The following USP50 variants were observed in gnomAD, a reference collection of about 807,000 sequenced individuals.
USP50 encodes the protein ubiquitin carboxyl-terminal hydrolase 50.
USP50 carries 37 observed loss-of-function variants against 39.2 expected under a neutral mutation model. That is an observed-to-expected ratio of 0.94 (90% CI 0.73 to 1.24). USP50 has a LOEUF of 1.24. USP50 is among the 50% of genes most tolerant of loss of function. USP50 has a pLI of 0.00. For missense variants in USP50, 374 were observed against 398.2 expected (o/e 0.94, Z 0.52); for synonymous variants, 139 against 144.5 (o/e 0.96, Z 0.27).
In USP50 at chr15:50,533,026, G is replaced by C. The variant is rs144032817; in HGVS notation, c.804-3097C>G. ...AAGAAGAAAGAAAAAAGACTGGCCG[G>C]TCAGGCGCAGTGGCTCACGCCTGTA... On this transcript the variant is annotated intron_variant, in intron 5 of 6. Transcript: ENST00000532404. 8.5e-5 allele frequency among the ~76,000 whole-genome samples: 13 copies of C among 152,106 alleles called. No homozygotes were observed. In the East Asian group the frequency reaches 2.5e-3, roughly 29 times the overall value.
At chr15:50,544,342 A>G (rs757219499) in intron 2 of USP50, among the ~76,000 whole-genome samples, 2 of 152,032 alleles carry the variant, frequency 1.3e-5, no homozygotes, top group Non-Finnish European at 2.9e-5. Context: ...AGCCTGGGCA[A>G]CAGAACGAGA....
chr15:50,497,387 C>CTGTT (rs1376270015), downstream of USP50: 7 of 844,202 alleles, frequency 8.3e-6, no homozygotes, highest in East Asian at 3.2e-5. Context: ...AGAAATGAGA[C>CTGTT]TGTTAGTTCA....
At chr15:50,544,383 T>A (rs932876723) in intron 2 of USP50, among the ~76,000 whole-genome samples, 4 of 150,242 alleles carry the variant, frequency 2.7e-5, no homozygotes, top group Admixed American at 6.6e-5. Flanking sequence ...TAAAAAAAAA[T>A]AAAAAATAAA....
chr15:50,519,056 G>A (rs548297813), intron 6 of USP50, among the ~76,000 whole-genome samples: 3 of 152,236 alleles, frequency 2.0e-5, no homozygotes, highest in Middle Eastern at 3.4e-3. Context: ...GGAGGCAGAC[G>A]CGGGCGAATC....
downstream of USP50, chr15:50,493,915 G>A (rs1192919088): frequency 1.1e-6 from 1 of 921,208 alleles, no homozygotes; most frequent in Non-Finnish European, 1.8e-6. Flanking sequence ...GTCAGATTCA[G>A]ATGAGAATCT....
At chr15:50,495,508 C>A (rs971147619) in intron 1 of USP50, among the ~76,000 whole-genome samples, 4 of 149,210 alleles carry the variant, frequency 2.7e-5, no homozygotes, top group African/African-American at 1.0e-4. Context: ...CACTATGTTG[C>A]ACAAGTTGGT....
chr15:50,497,986 C>G (rs1188520944), downstream of USP50, among the ~76,000 whole-genome samples: 2 of 152,098 alleles, frequency 1.3e-5, no homozygotes. Flanking sequence ...CTAACAAAAG[C>G]TAGTTTTTTC....
chr15:50,539,549 G>A lies in USP50; in HGVS notation c.661-698C>T, dbSNP rs576715018. 2.1e-3 allele frequency among the ~76,000 whole-genome samples: 322 copies of A among 152,024 alleles called. 3 individuals are homozygous for A. The highest frequency in any genetic ancestry group is 7.5e-3 in the African/African-American group (312 of 41,464). ...CTCCTGCCTCAGCCTCCAAGTAGCCGAGACTACAGGCGCGTGCCACCACAC... is the reference window on the plus strand; with the variant it reads ...CTCCTGCCTCAGCCTCCAAGTAGCCAAGACTACAGGCGCGTGCCACCACAC... On this transcript the variant is annotated intron_variant, in intron 4 of 6. Coordinates refer to ENST00000532404, the MANE Select transcript of USP50 (RefSeq NM_203494.5).
chr15:50,493,766 C>G, downstream of USP50: 1 of 460,174 alleles, frequency 2.2e-6, no homozygotes, highest in Non-Finnish European at 4.0e-6. Flanking sequence ...GTAAAGCCTT[C>G]TCTGATTAGT....
At chr15:50,500,334 TTTG>T (rs1436470264), downstream of USP50, 3 of 154,076 alleles carry the variant, frequency 1.9e-5, no homozygotes, top group African/African-American at 7.3e-5. Flanking sequence ...TGGAAAATAA[TTTG>T]TTGAATATAT....
chr15:50,518,375 C>G (rs905686979), intron 6 of USP50, among the ~76,000 whole-genome samples: 1 of 151,830 alleles, frequency 6.6e-6, no homozygotes, highest in African/African-American at 2.4e-5. Flanking sequence ...CACCCACCAC[C>G]ACGCCCGGCT....
chr15:50,496,127 A>G, downstream of USP50: 1 of 1,484,540 alleles, frequency 6.7e-7, no homozygotes, highest in Non-Finnish European at 9.2e-7. Context: ...TTGGATAAAA[A>G]TGCTGTTTTT....
At chr15:50,531,031 G>T (rs2052936613) in intron 5 of USP50, among the ~76,000 whole-genome samples, 1 of 151,736 alleles carries the variant, frequency 6.6e-6, no homozygotes, top group African/African-American at 2.4e-5. Flanking sequence ...TGTAAATCTG[G>T]GCTCACATCA....
At chr15:50,517,164 A>G (rs142749988) in intron 6 of USP50, among the ~76,000 whole-genome samples, 20 of 152,322 alleles carry the variant, frequency 1.3e-4, no homozygotes, top group African/African-American at 4.8e-4. Flanking sequence ...AGGTCATACA[A>G]TAAGACTTTA....
downstream of USP50, chr15:50,499,930 A>ATAT (rs951756367): frequency 4.6e-5 from 7 of 152,184 alleles, no homozygotes; most frequent in Non-Finnish European, 8.8e-5. Context: ...TTCATTCTAA[A>ATAT]TATTAAAGTA....
intron 1 of USP50, 92 bp downstream of exon 1, chr15:50,546,381 C>T (rs1490909377): frequency 1.4e-6 from 2 of 1,380,622 alleles, no homozygotes; most frequent in African/African-American, 2.8e-5. Context: ...TGGGAGAACC[C>T]TCCTGAATGC....
downstream of USP50, chr15:50,499,125 G>C (rs767903055): frequency 1.3e-5 from 20 of 1,533,002 alleles, no homozygotes; most frequent in Non-Finnish European, 1.7e-5. Context: ...CTTTTAAAAG[G>C]CTCAGCAACA....
At chr15:50,500,964 T>C (rs1319537282) in intron 6 of USP50, 127 bp from the exon 7 acceptor site, 3 of 829,298 alleles carry the variant, frequency 3.6e-6, no homozygotes, top group East Asian at 5.5e-5. Flanking sequence ...AGTGATAATT[T>C]TGTTGTTAAA....
intron 6 of USP50, among the ~76,000 whole-genome samples, chr15:50,520,635 G>T (rs1442289298): frequency 1.3e-5 from 2 of 152,034 alleles, no homozygotes; most frequent in Admixed American, 1.3e-4. Context: ...CAAAAAAAAG[G>T]AATATTCTTC....
Sources: gnomAD v4.1 joint callset for allele counts (sites outside exome capture counted in the v4.1 genomes callset) on GRCh38, gnomAD v4.1.1 for gene constraint, MANE v1.5 for transcripts, NCBI Gene and HGNC (gene_info 2026-07-23, HGNC 2026-07-21) for gene names.